The following ABCC1 variants were observed in gnomAD, a reference collection of about 807,000 sequenced individuals.
ABCC1 encodes multidrug resistance-associated protein 1.
A neutral mutation model predicts 172.9 loss-of-function variants in ABCC1; 83 were observed. The ratio of observed to expected loss-of-function variants is 0.48; its 90% CI spans 0.40 to 0.58. The LOEUF (loss-of-function observed/expected upper bound fraction) is 0.58, where lower values mean the gene tolerates loss of function less well. ABCC1 is among the 20% of genes least tolerant of loss of function. The probability of loss-of-function intolerance (pLI) is 0.00; values close to 1 mark genes in which losing one functional copy is unlikely to be tolerated. For missense variants in ABCC1, 1,817 were observed against 2,002.7 expected, an observed-to-expected ratio of 0.91 and a Z score of 1.77; for synonymous variants, 937 against 825.2, an observed-to-expected ratio of 1.14 and a Z score of -2.32.
At chr16:16,072,416 C>T (rs1239211964) in intron 14 of ABCC1, among the ~76,000 whole-genome samples, 1 of 151,708 alleles carries the variant, frequency 6.6e-6, no homozygotes, top group Non-Finnish European at 1.5e-5. Context: ...AACTCCTTAG[C>T]TCAAGCAATC....
rs774087417 is a variant in ABCC1 at position 16,086,814 on chromosome 16, C to G, written c.2293-10C>G. 13 of 1,612,672 alleles carry G rather than the reference C, an allele frequency of 8.1e-6. No individual in the cohort carries two copies. Among genetic ancestry groups the G allele is most frequent in the African/African-American group, 2.7e-5 (2 of 74,900 alleles). The stretch of plus-strand genomic sequence containing the variant: ...CCAGGAAACCCACTCCTGTGTGTGT[C>G]TCTCCCCAGGGCGTGAACCTGTCTG... On this transcript the variant is annotated splice_polypyrimidine_tract_variant and intron_variant, in intron 17 of 30. Coordinates refer to ENST00000399410, the MANE Select transcript of ABCC1 (RefSeq NM_004996.4).
intron 16 of ABCC1, among the ~76,000 whole-genome samples, chr16:16,080,717 G>T (rs1047079700): frequency 1.3e-5 from 2 of 152,134 alleles, no homozygotes; most frequent in Non-Finnish European, 2.9e-5. Context: ...CAAATTAAAG[G>T]CTCTGACAAG....
chr16:15,985,911 C>CTGTCT (rs1253619164), intron 1 of ABCC1, among the ~76,000 whole-genome samples: 1 of 152,088 alleles, frequency 6.6e-6, no homozygotes, highest in Non-Finnish European at 1.5e-5. Flanking sequence ...AAGAGGCCAC[C>CTGTCT]TGTCTTCCTC....
rs1182510063 is a variant in ABCC1, at chr16:16,136,609, A to G, written c.4257A>G (p.Leu1419=). ...KDFVSALPDK[L]DHECAEGGEN... ...TCGTGTCAGCCCTTCCTGACAAGCT[A>G]GACCATGAATGTGCAGAAGGCGGGG... The change falls in exon 29 of 31, where the codon CTA becomes CTG. Residue 1419 remains leucine, a synonymous_variant. Transcript: ENST00000399410. 3 of 1,614,120 alleles carry G rather than the reference A, an allele frequency of 1.9e-6. No individual in the cohort carries two copies. The highest frequency in any genetic ancestry group is 2.5e-6 in the Non-Finnish European group (3 of 1,180,008).
chr16:16,003,998 TGGTGGGTG>T (rs201252785), intron 1 of ABCC1, among the ~76,000 whole-genome samples: 73,329 of 147,502 alleles, frequency 0.5, 18,937 homozygotes, highest in Non-Finnish European at 0.59. Context: ...ATGGATGCAT[TGGTGGGTG>T]GGTGGATGGA....
chr16:16,005,634 C>G (rs1387899230), intron 1 of ABCC1, among the ~76,000 whole-genome samples: 1 of 152,172 alleles, frequency 6.6e-6, no homozygotes, highest in Non-Finnish European at 1.5e-5. Context: ...GCGTGAGCCA[C>G]TGCGCCCAGA....
intron 11 of ABCC1, 50 bp downstream of exon 11, chr16:16,052,866 C>A: frequency 2.6e-6 from 4 of 1,565,834 alleles, no homozygotes; most frequent in Non-Finnish European, 3.5e-6. Flanking sequence ...AGGCAGAGGC[C>A]TCTCCATGAG....
chr16:16,004,436 T>C (rs916751725), intron 1 of ABCC1, among the ~76,000 whole-genome samples: 2 of 152,150 alleles, frequency 1.3e-5, no homozygotes, highest in African/African-American at 4.8e-5. Flanking sequence ...AACAGTTTAA[T>C]CCTTTTTTCA....
rs1555487482 is a variant in ABCC1, at chr16:16,039,243, G to GTGTGTGTGTGTGTATGTA, written c.809+2653_809+2654insATGTATGTGTGTGTGTGT. On this transcript the variant is annotated intron_variant, in intron 7 of 30. Transcript: ENST00000399410. ...TGTGTGTGTGTGTGTGTATGTATGT[G>GTGTGTGTGTGTGTATGTA]TGTGTGTGTGTGTGTGTGTTTTCTT... 6.8e-4 allele frequency among the ~76,000 whole-genome samples: 76 copies of GTGTGTGTGTGTGTATGTA among 111,340 alleles called. 1 individual carries two copies. Among genetic ancestry groups the GTGTGTGTGTGTGTATGTA allele is most frequent in the African/African-American group, 2.4e-3 (62 of 25,706 alleles). The allele number at this position is 111,340 out of a possible 152,430, so 73.0% of individuals were successfully genotyped here.
At chr16:15,995,977 GTTTTTTTT>G (rs565769136) in intron 1 of ABCC1, among the ~76,000 whole-genome samples, 1 of 98,604 alleles carries the variant, frequency 1.0e-5, no homozygotes. Flanking sequence ...GCCCAGCTAA[GTTTTTTTT>G]TTTTTTTTTT....
intron 11 of ABCC1, among the ~76,000 whole-genome samples, chr16:16,054,364 G>A (rs1437165486): frequency 2.6e-5 from 4 of 152,078 alleles, no homozygotes; most frequent in Non-Finnish European, 5.9e-5. Flanking sequence ...GTCCTTTAGC[G>A]CCCTGCTTTG....
intron 1 of ABCC1, among the ~76,000 whole-genome samples, chr16:15,964,153 G>C (rs905756828): frequency 1.3e-5 from 2 of 152,144 alleles, no homozygotes; most frequent in East Asian, 3.9e-4. Context: ...ATGCTGGCTA[G>C]ACTGGTCTCG....
At chr16:16,099,901 T>C (rs986566974) in intron 19 of ABCC1, among the ~76,000 whole-genome samples, 5 of 152,102 alleles carry the variant, frequency 3.3e-5, no homozygotes, top group African/African-American at 9.7e-5. Flanking sequence ...CTGGCCAACA[T>C]GGTGAAACCC....
chr16:16,056,823 T>C (rs1258135106), intron 12 of ABCC1, among the ~76,000 whole-genome samples: 4 of 152,192 alleles, frequency 2.6e-5, no homozygotes, highest in African/African-American at 9.6e-5. Context: ...TACTGTGATA[T>C]AAGGAGCTTG....
intron 5 of ABCC1, among the ~76,000 whole-genome samples, chr16:16,021,248 C>G (rs1375520566): frequency 6.6e-6 from 1 of 151,706 alleles, no homozygotes; most frequent in African/African-American, 2.4e-5. Context: ...GTATTACCAG[C>G]AAGAAAGAGG....
At chr16:16,101,281 G>T (rs12708802) in intron 19 of ABCC1, among the ~76,000 whole-genome samples, 67,531 of 151,854 alleles carry the variant, frequency 0.44, 16,457 homozygotes, top group Non-Finnish European at 0.55. Context: ...CGATCTGCCC[G>T]CCTCGGCCTT....
At position 15,962,707 on chromosome 16, in the gene ABCC1, A is replaced by G. The variant is rs116240575; in HGVS notation, c.48+12908A>G. On this transcript the variant is annotated intron_variant, in intron 1 of 30. Transcript: ENST00000399410. ...CCATCAGATCTTCTGAGGACTCACT[A>G]TCAGGAGAACAGCATGGGGGAACCG... Among the ~76,000 whole-genome samples the G allele has an allele frequency of 6.4e-3, 969 of 152,306 alleles. 5 individuals carry two copies. The highest frequency in any genetic ancestry group is 0.022 in the African/African-American group (917 of 41,568).
chr16:16,017,234 TTTC>T (rs922166545), intron 5 of ABCC1, among the ~76,000 whole-genome samples: 6 of 152,270 alleles, frequency 3.9e-5, no homozygotes, highest in East Asian at 1.9e-4. Context: ...CCTTAATTCT[TTTC>T]TTCTTTTTTT....
rs61396501 is a variant in ABCC1, at chr16:15,984,448, C to CGTT, written c.49-23368_49-23367insGTT. 2.2e-4 allele frequency among the ~76,000 whole-genome samples: 32 copies of CGTT among 146,964 alleles called. 4 individuals are homozygous for CGTT. Among genetic ancestry groups the CGTT allele is most frequent in the Non-Finnish European group, 2.2e-4 (15 of 66,844 alleles). On this transcript the variant is annotated intron_variant, in intron 1 of 30. Coordinates refer to ENST00000399410, the MANE Select transcript of ABCC1 (RefSeq NM_004996.4). ...TTTTTATTGTTTACCTTGATATATA[C>CGTT]TTTTTTTTTTTTTGAGATAGAGTCT...
Sources: allele counts gnomAD v4.1 joint callset (sites outside exome capture counted in the v4.1 genomes callset), GRCh38; gene constraint gnomAD v4.1.1; transcripts MANE v1.5; gene names NCBI Gene and HGNC (gene_info 2026-07-23, HGNC 2026-07-21).